Variants in CAMTA1 observed in about 807,000 individuals in gnomAD.
CAMTA1 encodes calmodulin-binding transcription activator 1.
In CAMTA1, 27 loss-of-function variants were observed where a neutral mutation model predicts 170.9. The observed-to-expected ratio is 0.16, with a 90% CI of 0.12 to 0.22. CAMTA1 has a LOEUF of 0.22. Among genes scored for constraint, CAMTA1 ranks in the 10% least tolerant of loss-of-function variants. The pLI is 1.00. For missense variants in CAMTA1, 1,619 were observed against 2,217.2 expected (o/e 0.73, Z 5.42); for synonymous variants, 833 against 891.5 (o/e 0.93, Z 1.17).
chr1:7,369,579 C>T (rs2086274896), intron 5 of CAMTA1, among the ~76,000 whole-genome samples: 1 of 151,868 alleles, frequency 6.6e-6, no homozygotes, highest in Non-Finnish European at 1.5e-5. Context: ...GGGATTCCAG[C>T]CATCCTCTAT....
In CAMTA1 at chr1:6,970,332, C is replaced by T. The variant is rs909286827; in HGVS notation, c.235-120972C>T. Among the ~76,000 whole-genome samples, 6 of 152,144 alleles carry T rather than the reference C, an allele frequency of 3.9e-5. No homozygotes were observed. Among genetic ancestry groups the T allele is most frequent in the African/African-American group, 9.7e-5 (4 of 41,428 alleles). On this transcript the variant is annotated intron_variant, in intron 3 of 22. Coordinates refer to ENST00000303635, the MANE Select transcript of CAMTA1 (RefSeq NM_015215.4). The surrounding 1 kb of genome is among the most constrained non-coding windows in gnomAD (Gnocchi z 4.4). The stretch of plus-strand genomic sequence containing the variant: ...CTTATGTCCTGCTTTGCTTGCACGA[C>T]GTGCCATAAGCATCCTCCATATGTA...
chr1:7,399,188 C>T (rs989395130), intron 5 of CAMTA1, among the ~76,000 whole-genome samples: 7 of 152,252 alleles, frequency 4.6e-5, no homozygotes, highest in East Asian at 1.9e-4. Flanking sequence ...GTAATGAATG[C>T]GTTCTTGCTC....
rs1046848692 is a variant in CAMTA1 at position 7,065,075 on chromosome 1, C to T, written c.235-26229C>T. 6.6e-6 allele frequency among the ~76,000 whole-genome samples: 1 copy of T among 152,188 alleles called. No homozygotes were observed. Among genetic ancestry groups the T allele is most frequent in the Non-Finnish European group, 1.5e-5 (1 of 68,036 alleles). ...GGCAAATAAAAAAATCTCTGTTGCA[C>T]ACGTTACATGTGGGATGCTCTTTAT... On this transcript the variant is annotated intron_variant, in intron 3 of 22. Transcript: ENST00000303635. The surrounding 1 kb of genome is among the most constrained non-coding windows in gnomAD (Gnocchi z 5.2).
chr1:7,069,552 G>T (rs1056892330), intron 3 of CAMTA1, among the ~76,000 whole-genome samples: 24 of 152,146 alleles, frequency 1.6e-4, no homozygotes, highest in Non-Finnish European at 2.8e-4. Flanking sequence ...TTTTGTCAGC[G>T]GACCGTTTGG....
chr1:7,052,898 A>C (rs1403603491), intron 3 of CAMTA1, among the ~76,000 whole-genome samples: 2 of 150,778 alleles, frequency 1.3e-5, no homozygotes, highest in African/African-American at 4.9e-5. Context: ...TCCCTCCTCC[A>C]CCCTGCTCCC....
intron 5 of CAMTA1, among the ~76,000 whole-genome samples, chr1:7,255,316 T>G (rs989704814): frequency 5.3e-5 from 8 of 151,996 alleles, no homozygotes; most frequent in Admixed American, 2.0e-4. Flanking sequence ...ATTATAATAA[T>G]AAGAAAATTA....
chr1:7,217,055 G>A lies in CAMTA1; in HGVS notation c.303-32436G>A, dbSNP rs190802978. On this transcript the variant is annotated intron_variant, in intron 4 of 22. Transcript: ENST00000303635. ...TTTCTGAATCTCTTTGATATGGTTC[G>A]GCTCTGTGTCTCCACCCAAATCTCA... Among the ~76,000 whole-genome samples, 646 of 151,998 alleles carry A rather than the reference G, an allele frequency of 4.3e-3. 8 individuals are homozygous for A. Among genetic ancestry groups the A allele is most frequent in the Admixed American group, 6.7e-3 (103 of 15,268 alleles).
chr1:7,213,620 T>TA (rs1553274764), intron 4 of CAMTA1, among the ~76,000 whole-genome samples: 4 of 151,894 alleles, frequency 2.6e-5, no homozygotes, highest in Non-Finnish European at 5.9e-5. Flanking sequence ...TTCTTTTTTT[T>TA]ATTATACTTT....
At chr1:7,668,967 C>T (rs868411304) in intron 9 of CAMTA1, among the ~76,000 whole-genome samples, 3 of 152,132 alleles carry the variant, frequency 2.0e-5, no homozygotes, top group Non-Finnish European at 2.9e-5. Context: ...TCCACCTGTC[C>T]GCCGGCACTC....
chr1:6,914,022 C>G (rs961947643), intron 3 of CAMTA1, among the ~76,000 whole-genome samples: 1 of 151,964 alleles, frequency 6.6e-6, no homozygotes, highest in African/African-American at 2.4e-5. Flanking sequence ...CACAAACACA[C>G]CGACCTATTT....
chr1:6,837,848 G>A (rs1204978239), intron 3 of CAMTA1, among the ~76,000 whole-genome samples: 1 of 152,212 alleles, frequency 6.6e-6, no homozygotes, highest in Non-Finnish European at 1.5e-5. Context: ...AGAACCTGCT[G>A]TGTGGTGATT....
intron 3 of CAMTA1, among the ~76,000 whole-genome samples, chr1:7,082,440 A>G (rs367558388): frequency 8.4e-5 from 12 of 142,208 alleles, no homozygotes; most frequent in Non-Finnish European, 1.5e-4. Context: ...TGCATCTCGA[A>G]ATAGATAGAT....
chr1:7,383,762 T>G (rs754536447), intron 5 of CAMTA1, among the ~76,000 whole-genome samples: 1 of 151,532 alleles, frequency 6.6e-6, no homozygotes, highest in Non-Finnish European at 1.5e-5. Context: ...TTGAAGATGA[T>G]AAGAATGATG....
chr1:7,202,145 T>C (rs1656826073), intron 4 of CAMTA1, among the ~76,000 whole-genome samples: 1 of 152,152 alleles, frequency 6.6e-6, no homozygotes, highest in Non-Finnish European at 1.5e-5. Context: ...GAAAAGACTA[T>C]TTTTTTCCCA....
intron 1 of CAMTA1, among the ~76,000 whole-genome samples, chr1:6,790,158 C>G (rs1640653441): frequency 6.6e-6 from 1 of 151,762 alleles, no homozygotes; most frequent in African/African-American, 2.4e-5. Flanking sequence ...TAATGCTTGT[C>G]TTTTATATAG....
At chr1:7,311,791 T>G (rs1251175594) in intron 5 of CAMTA1, among the ~76,000 whole-genome samples, 1 of 152,160 alleles carries the variant, frequency 6.6e-6, no homozygotes, top group Non-Finnish European at 1.5e-5. Context: ...GGACTGTGCT[T>G]TCAAGGTTAG....
At chr1:7,290,475 A>G (rs1428142755) in intron 5 of CAMTA1, among the ~76,000 whole-genome samples, 1 of 152,190 alleles carries the variant, frequency 6.6e-6, no homozygotes, top group East Asian at 1.9e-4. Flanking sequence ...ACCTGCCTTC[A>G]GTGAGAGTAA....
intron 3 of CAMTA1, among the ~76,000 whole-genome samples, chr1:7,085,942 C>T (rs1640681466): frequency 6.6e-6 from 1 of 152,162 alleles, no homozygotes; most frequent in African/African-American, 2.4e-5. Flanking sequence ...CCCAGTCCTG[C>T]CCAGGCCTCC....
chr1:6,846,085 A>T (rs1247545714), intron 3 of CAMTA1, among the ~76,000 whole-genome samples: 1 of 152,200 alleles, frequency 6.6e-6, no homozygotes, highest in Non-Finnish European at 1.5e-5. Flanking sequence ...AGTCCCCATG[A>T]TTCAATTATC....
Sources: allele counts gnomAD v4.1 joint callset (sites outside exome capture counted in the v4.1 genomes callset), GRCh38; gene constraint gnomAD v4.1.1; non-coding constraint Gnocchi (gnomAD v3.1); transcripts MANE v1.5; gene names NCBI Gene and HGNC (gene_info 2026-07-23, HGNC 2026-07-21).